AMOTL1: variants seen among roughly 807,000 people sequenced by gnomAD.
The protein encoded by AMOTL1 is angiomotin like 1, also known as angiomotin-like protein 1.
A neutral mutation model predicts 102.9 loss-of-function variants in AMOTL1; 45 were observed. That is an observed-to-expected ratio of 0.44 (90% confidence interval 0.34 to 0.56). The LOEUF (loss-of-function observed/expected upper bound fraction) is 0.56, where lower values mean the gene tolerates loss of function less well. Ranked by LOEUF, AMOTL1 falls within the 20% of genes least tolerant of loss-of-function variation. The pLI is 0.01. For synonymous variants in AMOTL1, 481 were observed against 484.7 expected, an observed-to-expected ratio of 0.99 and a Z score of 0.10; for missense variants, 1,114 against 1,225.6, an observed-to-expected ratio of 0.91 and a Z score of 1.36.
intron 2 of AMOTL1, among the ~76,000 whole-genome samples, chr11:94,734,556 A>G (rs1950407046): frequency 6.6e-6 from 1 of 152,200 alleles, no homozygotes; most frequent in African/African-American, 2.4e-5. Flanking sequence ...GGCTTGTCCT[A>G]GGAGGTGCAG....
intron 3 of AMOTL1, among the ~76,000 whole-genome samples, chr11:94,800,793 G>A (rs1320038848): frequency 6.6e-6 from 1 of 152,200 alleles, no homozygotes; most frequent in African/African-American, 2.4e-5. Flanking sequence ...CTAAAGCCTG[G>A]AGAGATTAAT....
intron 2 of AMOTL1, chr11:94,796,962 G>A (rs1234436083): frequency 7.1e-6 from 7 of 984,964 alleles, no homozygotes; most frequent in Non-Finnish European, 7.2e-6. Context: ...TCATTTCACT[G>A]TAGACTGAGA....
intron 3 of AMOTL1, among the ~76,000 whole-genome samples, chr11:94,811,412 T>C (rs563147742): frequency 6.6e-6 from 1 of 152,234 alleles, no homozygotes; most frequent in South Asian, 2.1e-4. Context: ...GGAGAATCCC[T>C]TGAACCCAGG....
chr11:94,858,020 A>T (rs997057408), intron 8 of AMOTL1, among the ~76,000 whole-genome samples: 1 of 152,194 alleles, frequency 6.6e-6, no homozygotes, highest in African/African-American at 2.4e-5. Context: ...AGGGGGGGCT[A>T]TGAAGAGTTG....
chr11:94,725,329 T>G (rs1458603988), intron 1 of AMOTL1, among the ~76,000 whole-genome samples: 1 of 152,022 alleles, frequency 6.6e-6, no homozygotes, highest in Non-Finnish European at 1.5e-5. Flanking sequence ...GGTTTTGAGA[T>G]GGAGAAATTT....
intron 1 of AMOTL1, among the ~76,000 whole-genome samples, chr11:94,775,614 C>T (rs1394753763): frequency 2.0e-5 from 3 of 151,960 alleles, no homozygotes; most frequent in South Asian, 2.1e-4. Flanking sequence ...GAAAATTAAA[C>T]GAAATGAAAA....
intron 3 of AMOTL1, among the ~76,000 whole-genome samples, chr11:94,754,614 C>T (rs1950698988): frequency 6.6e-6 from 1 of 152,182 alleles, no homozygotes; most frequent in African/African-American, 2.4e-5. Context: ...ACTCCTTTTT[C>T]CATCCTTATC....
intron 11 of AMOTL1, among the ~76,000 whole-genome samples, chr11:94,867,453 G>T (rs1173702587): frequency 6.6e-6 from 1 of 152,160 alleles, no homozygotes; most frequent in South Asian, 2.1e-4. Flanking sequence ...AGCCAGGCAG[G>T]CATCTCTGGT....
intron 4 of AMOTL1, among the ~76,000 whole-genome samples, chr11:94,822,914 G>A (rs1291116537): frequency 6.6e-6 from 1 of 152,198 alleles, no homozygotes; most frequent in Non-Finnish European, 1.5e-5. Context: ...GGCATGTGTA[G>A]TAGTAGCGAT....
At chr11:94,772,445 T>A (rs1416901106) in intron 1 of AMOTL1, among the ~76,000 whole-genome samples, 2 of 152,230 alleles carry the variant, frequency 1.3e-5, no homozygotes, top group Non-Finnish European at 2.9e-5. Context: ...TTTATCATTT[T>A]GAGAATGTTA....
chr11:94,819,947 A>T (rs1383484433), intron 3 of AMOTL1, among the ~76,000 whole-genome samples: 1 of 152,178 alleles, frequency 6.6e-6, no homozygotes, highest in Non-Finnish European at 1.5e-5. Context: ...GGGGACGGGG[A>T]TGGAAATTCA....
At chr11:94,841,094 G>C (rs1188371045) in intron 6 of AMOTL1, among the ~76,000 whole-genome samples, 1 of 151,878 alleles carries the variant, frequency 6.6e-6, no homozygotes, top group Non-Finnish European at 1.5e-5. Flanking sequence ...CGTCCAGGAG[G>C]GTCTTACTTT....
At position 94,836,542 on chromosome 11, in the gene AMOTL1, G is replaced by A. The variant is rs189246860; in HGVS notation, c.1648+5001G>A. Among the ~76,000 whole-genome samples the A allele has an allele frequency of 1.3e-3, 204 of 152,318 alleles. 1 individual carries two copies. The highest frequency in any genetic ancestry group is 4.6e-3 in the African/African-American group (192 of 41,562). On this transcript the variant is annotated intron_variant, in intron 6 of 12. Coordinates refer to ENST00000433060, the MANE Select transcript of AMOTL1 (RefSeq NM_130847.3). ...AAATGTTTATTGAGAGAATGAGTAA[G>A]AGTGGAAAATCCTGGTGACAATAGG... is the stretch of plus-strand genomic sequence containing the variant.
Position 94,872,560 on chromosome 11 carries a change from T to C in AMOTL1, c.*1765T>C, listed in dbSNP as rs528774922. On this transcript the variant is annotated 3_prime_UTR_variant, in exon 13 of 13. Coordinates refer to ENST00000433060, the MANE Select transcript of AMOTL1 (RefSeq NM_130847.3). The stretch of plus-strand genomic sequence containing the variant: ...CAGAAGGAAGACAAGAGGTGTAAGC[T>C]GGAGAGGGAAGGGAAGAAATCAGTG... 1 of 152,652 alleles carries C rather than the reference T, an allele frequency of 6.6e-6. No homozygotes were observed. The highest frequency in any genetic ancestry group is 2.4e-5 in the African/African-American group (1 of 41,558). The allele number at this position is 152,652 out of a possible 1,614,324, so 9.5% of individuals were successfully genotyped here. A position where few individuals can be genotyped will look rare whatever the true frequency, so the allele number is the denominator to read the frequency against.
intron 1 of AMOTL1, among the ~76,000 whole-genome samples, chr11:94,791,606 G>A (rs1951286973): frequency 6.6e-6 from 1 of 152,176 alleles, no homozygotes; most frequent in South Asian, 2.1e-4. Flanking sequence ...GGGGTCCTTG[G>A]CAGGCTGTGG....
intron 4 of AMOTL1, among the ~76,000 whole-genome samples, chr11:94,822,747 C>T (rs1951889839): frequency 6.6e-6 from 1 of 152,136 alleles, no homozygotes; most frequent in Non-Finnish European, 1.5e-5. Context: ...GAACGTCCAG[C>T]AAGAACGAGC....
At chr11:94,732,223 T>G (rs1950365636) in intron 2 of AMOTL1, among the ~76,000 whole-genome samples, 1 of 152,218 alleles carries the variant, frequency 6.6e-6, no homozygotes, top group African/African-American at 2.4e-5. Flanking sequence ...GTTGGCTTCC[T>G]GCAGTCCACA....
intron 1 of AMOTL1, among the ~76,000 whole-genome samples, chr11:94,768,764 C>A (rs1268440156): frequency 6.6e-6 from 1 of 152,082 alleles, no homozygotes; most frequent in Non-Finnish European, 1.5e-5. Context: ...CGGGCCTCAG[C>A]GTCTTGCCGC....
At chr11:94,767,061 G>A (rs930860532), upstream of AMOTL1, among the ~76,000 whole-genome samples, 5 of 151,998 alleles carry the variant, frequency 3.3e-5, no homozygotes, top group African/African-American at 1.2e-4. Context: ...CTTCTGTGTA[G>A]TCAGTGCCTC....
Sources: gnomAD v4.1 joint callset for allele counts (sites outside exome capture counted in the v4.1 genomes callset) on GRCh38, gnomAD v4.1.1 for gene constraint, MANE v1.5 for transcripts, NCBI Gene and HGNC (gene_info 2026-07-23, HGNC 2026-07-21) for gene names.